ZSCAN22: variants seen among roughly 807,000 people sequenced by gnomAD.
ZSCAN22 encodes the protein zinc finger and SCAN domain containing 22, also known as zinc finger and SCAN domain-containing protein 22.
A neutral mutation model predicts 12.4 loss-of-function variants in ZSCAN22; 7 were observed. The observed-to-expected ratio is 0.57, with a 90% CI of 0.32 to 1.06. The LOEUF is 1.06. ZSCAN22 is among the 50% of genes least tolerant of loss of function. The pLI is 0.04. For synonymous variants in ZSCAN22, 243 were observed against 255.9 expected (o/e 0.95, Z 0.48); for missense variants, 576 against 631.7 (o/e 0.91, Z 0.94).
At chr19:58,334,659 T>A (rs1022790160) in intron 1 of ZSCAN22, 93 bp from the exon 2 acceptor site, 2 of 928,020 alleles carry the variant, frequency 2.2e-6, no homozygotes, top group Non-Finnish European at 1.6e-6. Flanking sequence ...GTCTTTCACA[T>A]CTCACGGGCC....
At position 58,339,460 on chromosome 19, in the gene ZSCAN22, C is replaced by T. The variant is rs1455544099; in HGVS notation, c.*134C>T. ...TGTCAAAATGATAGGTGCCTGAGGG[C>T]AGACTCGGGCTGTCTAGGAACCACT... is the stretch of plus-strand genomic sequence containing the variant. On this transcript the variant is annotated 3_prime_UTR_variant, in exon 3 of 3. Transcript: ENST00000329665. The surrounding 1 kb of genome is among the most constrained non-coding windows in gnomAD (Gnocchi z 5.6). 4 of 819,292 alleles carry T rather than the reference C, an allele frequency of 4.9e-6. No individual in the cohort carries two copies. Among genetic ancestry groups the T allele is most frequent in the Non-Finnish European group, 5.6e-6 (3 of 537,034 alleles). The allele number at this position is 819,292 out of a possible 1,614,324, so 50.8% of individuals were successfully genotyped here.
rs373925773 is a variant in ZSCAN22, at chr19:58,340,544, C to T, written c.*1218C>T. The T allele has an allele frequency of 0.011, 1,624 of 150,606 alleles. 29 individuals are homozygous for T. The highest frequency in any genetic ancestry group is 0.035 in the African/African-American group (1,448 of 40,840). 9.3% of individuals were successfully genotyped at this position (150,606 alleles called of 1,614,324 possible). A position where few individuals can be genotyped will look rare whatever the true frequency, so the allele number is the denominator to read the frequency against. ...AGGCTGGAGTGCAGTGGCGCGATCT[C>T]GGCTCACTGCAAGCTCTGCCTCCCG... On this transcript the variant is annotated 3_prime_UTR_variant, in exon 3 of 3. Transcript: ENST00000329665.
At chr19:58,330,132 CA>C (rs898969790) in intron 1 of ZSCAN22, among the ~76,000 whole-genome samples, 4 of 150,532 alleles carry the variant, frequency 2.7e-5, no homozygotes, top group African/African-American at 4.9e-5. Flanking sequence ...ACTAAAAGTA[CA>C]AAAAAAAATA....
In ZSCAN22 at chr19:58,338,684, G is replaced by A; in HGVS notation, c.834G>A (p.Gln278=). Residue 278 remains glutamine (Q), a synonymous_variant, in exon 3 of 3, where the codon CAG becomes CAA. Coordinates refer to ENST00000329665, the MANE Select transcript of ZSCAN22 (RefSeq NM_181846.3). The surrounding 1 kb of genome is among the most constrained non-coding windows in gnomAD (Gnocchi z 5.4). ...GTCGCGAGTGTAGGAAGATGTTCCA[G>A]AGTGCTTCGGCGCTCGAGGCACACC... ...SKCRECRKMF[Q]SASALEAHQK... 1 of 1,614,212 alleles carries A rather than the reference G, an allele frequency of 6.2e-7. No individual in the cohort carries two copies. Among genetic ancestry groups the A allele is most frequent in the South Asian group, 1.1e-5 (1 of 91,080 alleles).
intron 1 of ZSCAN22, among the ~76,000 whole-genome samples, chr19:58,331,307 C>T (rs1295821107): frequency 1.3e-5 from 2 of 150,850 alleles, no homozygotes; most frequent in Non-Finnish European, 1.5e-5. Flanking sequence ...ACCTCCACCT[C>T]CCGGGTTCAA....
rs1339707282 is a variant in ZSCAN22, at chr19:58,341,716, CAGAG to C, written c.*2393_*2396del. The C allele has an allele frequency of 2.0e-5, 3 of 152,222 alleles. No homozygotes were observed. The highest frequency in any genetic ancestry group is 4.8e-5 in the African/African-American group (2 of 41,438). The allele number at this position is 152,222 out of a possible 1,614,324, so 9.4% of individuals were successfully genotyped here. Reference sequence around the variant, plus strand: ...GGGATGACAGGCTTAGGGGAAAACTCAGAGAGGAGAGATGCACATTCCTAGTGAA... The same window carrying C: ...GGGATGACAGGCTTAGGGGAAAACTCAGGAGAGATGCACATTCCTAGTGAA... On this transcript the variant is annotated 3_prime_UTR_variant, in exon 3 of 3. Coordinates refer to ENST00000329665, the MANE Select transcript of ZSCAN22 (RefSeq NM_181846.3).
At position 58,338,495 on chromosome 19, in the gene ZSCAN22, C is replaced by T; in HGVS notation, c.645C>T (p.Pro215=). ...KKTSGPYKDV[P]TDQRGRESGA... ...CTTCAGGGCCTTACAAGGATGTCCCCACAGACCAGCGTGGCCGTGAATCTG... is the reference window on the plus strand; with the variant it reads ...CTTCAGGGCCTTACAAGGATGTCCCTACAGACCAGCGTGGCCGTGAATCTG... The change falls in exon 3 of 3, where the codon CCC becomes CCT. Residue 215 remains proline (P), a synonymous_variant. Coordinates refer to ENST00000329665, the MANE Select transcript of ZSCAN22 (RefSeq NM_181846.3). This position sits in a 1 kb window ranked among gnomAD's most constrained non-coding sequence, Gnocchi z 5.4. 6.2e-7 allele frequency: 1 copy of T among 1,614,180 alleles called. No homozygotes were observed. Among genetic ancestry groups the T allele is most frequent in the Non-Finnish European group, 8.5e-7 (1 of 1,180,042 alleles).
chr19:58,334,269 T>C (rs909717811), intron 1 of ZSCAN22, among the ~76,000 whole-genome samples: 1 of 152,174 alleles, frequency 6.6e-6, no homozygotes, highest in Admixed American at 6.5e-5. Flanking sequence ...TTTCCATCCA[T>C]AAAATAGGTA....
At position 58,338,853 on chromosome 19, in the gene ZSCAN22, C is replaced by T. The variant is rs762285917; in HGVS notation, c.1003C>T (p.Arg335Ter). The T allele has an allele frequency of 6.2e-6, 10 of 1,613,856 alleles. No individual in the cohort carries two copies. Among genetic ancestry groups the T allele is most frequent in the African/African-American group, 1.3e-5 (1 of 74,912 alleles). ...TAAGGAATGTGGGAAGGCCTTCAGC[C>T]GAGTCACCCACCTGACTCAGCACCA... is the stretch of plus-strand genomic sequence containing the variant. ...ECKECGKAFS[R>*]VTHLTQHQRI... The change falls in exon 3 of 3, where the codon CGA becomes TGA. Residue 335 changes from arginine to a stop codon, truncating the protein, a stop_gained. Coordinates refer to ENST00000329665, the MANE Select transcript of ZSCAN22 (RefSeq NM_181846.3). LOFTEE classifies it low-confidence loss of function (END_TRUNC). The surrounding 1 kb of genome is among the most constrained non-coding windows in gnomAD (Gnocchi z 5.4).
chr19:58,335,043 G>C lies in ZSCAN22; in HGVS notation c.241G>C (p.Glu81Gln), dbSNP rs375810984. ...GCTGTGCTGTCAGTGGCTGCAGCCC[G>C]AGGCGCACTCCAAGGAGCAGATACT... is the stretch of plus-strand genomic sequence containing the variant. ...RALCCQWLQP[E>Q]AHSKEQILEL... The change falls in exon 2 of 3, where the codon GAG (glutamate) becomes CAG (glutamine). Residue 81 changes from glutamate (E) to glutamine (Q), a missense_variant. Coordinates refer to ENST00000329665, the MANE Select transcript of ZSCAN22 (RefSeq NM_181846.3). The surrounding 1 kb of genome is among the most constrained non-coding windows in gnomAD (Gnocchi z 4.1). The C allele has an allele frequency of 3.1e-6, 5 of 1,613,930 alleles. No individual in the cohort carries two copies. The highest frequency in any genetic ancestry group is 4.2e-6 in the Non-Finnish European group (5 of 1,180,050).
At position 58,335,212 on chromosome 19, in the gene ZSCAN22, G is replaced by A; in HGVS notation, c.403+7G>A. ...CAGGTGCTGGACAAGAGAGGTAAAG[G>A]GGCGCCGTGGGCAGCTTCACGGCAC... On this transcript the variant is annotated splice_region_variant and intron_variant, in intron 2 of 2. Coordinates refer to ENST00000329665, the MANE Select transcript of ZSCAN22 (RefSeq NM_181846.3). The surrounding 1 kb of genome is among the most constrained non-coding windows in gnomAD (Gnocchi z 4.1). 6.4e-7 allele frequency: 1 copy of A among 1,563,904 alleles called. No homozygotes were observed. The highest frequency in any genetic ancestry group is 8.7e-7 in the Non-Finnish European group (1 of 1,153,948).
rs747140160 is a variant in ZSCAN22 at position 58,339,357 on chromosome 19, C to T, written c.*31C>T. 8.4e-6 allele frequency: 13 copies of T among 1,545,154 alleles called. No homozygotes were observed. Among genetic ancestry groups the T allele is most frequent in the African/African-American group, 2.8e-5 (2 of 72,698 alleles). On this transcript the variant is annotated 3_prime_UTR_variant, in exon 3 of 3. Coordinates refer to ENST00000329665, the MANE Select transcript of ZSCAN22 (RefSeq NM_181846.3). The surrounding 1 kb of genome is among the most constrained non-coding windows in gnomAD (Gnocchi z 5.6). ...AGTCGCCCCTGGGGGCGTAGCACAG[C>T]GTCTTCTCGGAGGCTCGAGGTCTAA...
chr19:58,328,803 T>TC, intron 1 of ZSCAN22, among the ~76,000 whole-genome samples: 1 of 152,258 alleles, frequency 6.6e-6, no homozygotes, highest in South Asian at 2.1e-4. Flanking sequence ...TGCTCCTCCT[T>TC]CCCCTCATGA....
Position 58,339,694 on chromosome 19 carries a change from G to A in ZSCAN22, c.*368G>A, listed in dbSNP as rs1600496264. ...TCAGCGTCCCAAGACGCTCTGGGCG[G>A]GCCAACTGTAGCTTGTTCTCATGTG... On this transcript the variant is annotated 3_prime_UTR_variant, in exon 3 of 3. Transcript: ENST00000329665. This position sits in a 1 kb window ranked among gnomAD's most constrained non-coding sequence, Gnocchi z 5.6. 1 of 208,550 alleles carries A rather than the reference G, an allele frequency of 4.8e-6. No individual in the cohort carries two copies. Among genetic ancestry groups the A allele is most frequent in the East Asian group, 1.1e-4 (1 of 8,792 alleles). 12.9% of individuals were successfully genotyped at this position (208,550 alleles called of 1,614,324 possible).
intron 1 of ZSCAN22, 63 bp from the exon 2 acceptor site, chr19:58,334,689 G>A: frequency 4.0e-6 from 5 of 1,238,546 alleles, no homozygotes; most frequent in Middle Eastern, 2.9e-4. Flanking sequence ...TGTTTTCCCT[G>A]CTCTGTAGGC....
At chr19:58,331,527 A>G (rs867426293) in intron 1 of ZSCAN22, among the ~76,000 whole-genome samples, 1,368 of 118,500 alleles carry the variant, frequency 0.012, 19 homozygotes, top group Middle Eastern at 0.025. Flanking sequence ...CGTTATTATT[A>G]TTATTATTAT....
chr19:58,330,100 A>T (rs1479285072), intron 1 of ZSCAN22, among the ~76,000 whole-genome samples: 2 of 152,184 alleles, frequency 1.3e-5, no homozygotes, highest in East Asian at 1.9e-4. Flanking sequence ...CATCGTGGCT[A>T]ATACGGTGAA....
Position 58,338,954 on chromosome 19 carries a change from C to T in ZSCAN22, c.1104C>T (p.Thr368=). The T allele has an allele frequency of 6.2e-7, 1 of 1,613,938 alleles. No individual in the cohort carries two copies. The highest frequency in any genetic ancestry group is 8.5e-7 in the Non-Finnish European group (1 of 1,179,926). ...GKTFSRSTHL[T]QHQRVHTGER... is the part of the protein sequence containing the mutation. ...CCTTCAGCCGCAGCACTCACCTCAC[C>T]CAGCACCAGCGGGTGCACACGGGGG... The change falls in exon 3 of 3, where the codon ACC becomes ACT. Residue 368 remains threonine, a synonymous_variant. Transcript: ENST00000329665. The surrounding 1 kb of genome is among the most constrained non-coding windows in gnomAD (Gnocchi z 5.4).
intron 1 of ZSCAN22, among the ~76,000 whole-genome samples, chr19:58,327,777 T>C (rs1189952572): frequency 2.6e-5 from 4 of 152,204 alleles, no homozygotes; most frequent in Non-Finnish European, 5.9e-5. Flanking sequence ...ATTTTCTTTG[T>C]GTGTCCTTGA....
Sources: gnomAD v4.1 joint callset for allele counts (sites outside exome capture counted in the v4.1 genomes callset) on GRCh38, gnomAD v4.1.1 for gene constraint, Gnocchi (gnomAD v3.1) non-coding constraint, MANE v1.5 for transcripts, NCBI Gene and HGNC (gene_info 2026-07-23, HGNC 2026-07-21) for gene names.